The following TTLL11 variants were observed in gnomAD, a reference collection of about 807,000 sequenced individuals.
The protein encoded by TTLL11 is tubulin polyglutamylase TTLL11.
In TTLL11, 42 loss-of-function variants were observed where a neutral mutation model predicts 51.7. The ratio of observed to expected loss-of-function variants is 0.81; its 90% CI spans 0.64 to 1.05. The LOEUF (loss-of-function observed/expected upper bound fraction) is 1.05. Among genes scored for constraint, TTLL11 ranks in the 50% least tolerant of loss-of-function variants. The pLI is 0.00. For synonymous variants in TTLL11, 381 were observed against 383.5 expected (o/e 0.99, Z 0.08); for missense variants, 799 against 940.4 (o/e 0.85, Z 1.97).
intron 8 of TTLL11, among the ~76,000 whole-genome samples, chr9:121,855,757 CT>C (rs1326149998): frequency 6.6e-6 from 1 of 152,204 alleles, no homozygotes; most frequent in African/African-American, 2.4e-5. Context: ...TTGCATTTGT[CT>C]GCTCATCAAA....
rs547883724 is a variant in TTLL11, at chr9:121,890,175, T to C, written c.1482-19427A>G. ...TACCCCAATTCTGAGCCTCCAGCTTTGTTCCTGACTCAGAGGAGGGATTCC... is the reference window on the plus strand; with the variant it reads ...TACCCCAATTCTGAGCCTCCAGCTTCGTTCCTGACTCAGAGGAGGGATTCC... On this transcript the variant is annotated intron_variant, in intron 6 of 8. Transcript: ENST00000321582. The surrounding 1 kb of genome is among the most constrained non-coding windows in gnomAD (Gnocchi z 4.3). Among the ~76,000 whole-genome samples the C allele has an allele frequency of 2.0e-5, 3 of 152,328 alleles. No homozygotes were observed. Among genetic ancestry groups the C allele is most frequent in the Admixed American group, 1.3e-4 (2 of 15,302 alleles).
chr9:121,829,922 T>C (rs1169948998), intron 8 of TTLL11, among the ~76,000 whole-genome samples: 2 of 152,072 alleles, frequency 1.3e-5, no homozygotes, highest in Non-Finnish European at 2.9e-5. Flanking sequence ...CCCTTCATGG[T>C]GCTTCTTCTT....
chr9:122,065,699 T>C (rs933189721), intron 1 of TTLL11, among the ~76,000 whole-genome samples: 1 of 152,162 alleles, frequency 6.6e-6, no homozygotes, highest in African/African-American at 2.4e-5. Context: ...TGAGCTGCAT[T>C]TTCCCAAACT....
At chr9:121,866,267 A>G (rs1259189163) in intron 7 of TTLL11, among the ~76,000 whole-genome samples, 1 of 152,226 alleles carries the variant, frequency 6.6e-6, no homozygotes. Context: ...GTGCTGTTAA[A>G]TTTAGCCGGC....
At chr9:122,051,617 CTT>C (rs1233098496) in intron 1 of TTLL11, among the ~76,000 whole-genome samples, 1 of 152,092 alleles carries the variant, frequency 6.6e-6, no homozygotes, top group Non-Finnish European at 1.5e-5. Flanking sequence ...GTCTGTCTCT[CTT>C]CTCTCTCTCT....
At position 121,818,163 on chromosome 9, in the gene TTLL11, T is replaced by C. The variant is rs1836465640; in HGVS notation, c.*4424A>G. ...TGTTGGTGAGGACTGCCCAGCCTGG[T>C]GTCCTGTCTGTGAGATTGAATGGGA... On this transcript the variant is annotated 3_prime_UTR_variant, in exon 9 of 9. Transcript: ENST00000321582. 6.6e-6 allele frequency: 1 copy of C among 152,478 alleles called. No individual in the cohort carries two copies. Among genetic ancestry groups the C allele is most frequent in the South Asian group, 2.1e-4 (1 of 4,832 alleles). The allele number at this position is 152,478 out of a possible 1,614,324, so 9.4% of individuals were successfully genotyped here.
intron 3 of TTLL11, among the ~76,000 whole-genome samples, chr9:122,016,736 A>T (rs1198700323): frequency 6.6e-6 from 1 of 152,244 alleles, no homozygotes; most frequent in Admixed American, 6.5e-5. Flanking sequence ...AGAAACTGCA[A>T]AACATTATTG....
Position 122,000,603 on chromosome 9 carries a change from C to G in TTLL11, c.694-10833G>C, listed in dbSNP as rs142741822. ...GGTCATCCTCACTGCTACACTCCCA[C>G]CAGCGCCATGACAGTTTACAAATGG... On this transcript the variant is annotated intron_variant, in intron 3 of 8. Transcript: ENST00000321582. Among the ~76,000 whole-genome samples, 75 of 152,166 alleles carry G rather than the reference C, an allele frequency of 4.9e-4. No homozygotes were observed. In the Middle Eastern group the frequency reaches 0.01, roughly 21 times the overall value.
chr9:122,063,650 T>A (rs1845494738), intron 1 of TTLL11, among the ~76,000 whole-genome samples: 1 of 152,234 alleles, frequency 6.6e-6, no homozygotes, highest in African/African-American at 2.4e-5. Context: ...TTCTTATGGT[T>A]CCTGTTTTGT....
chr9:122,072,678 A>G (rs1443836035), intron 1 of TTLL11, among the ~76,000 whole-genome samples: 1 of 152,082 alleles, frequency 6.6e-6, no homozygotes, highest in Non-Finnish European at 1.5e-5. Flanking sequence ...CTAAACACCC[A>G]GTGTTCTCGC....
intron 1 of TTLL11, among the ~76,000 whole-genome samples, chr9:122,086,104 G>A (rs1846115670): frequency 6.6e-6 from 1 of 152,196 alleles, no homozygotes; most frequent in South Asian, 2.1e-4. Flanking sequence ...ACAATACACT[G>A]TATGTTTTAT....
intron 6 of TTLL11, among the ~76,000 whole-genome samples, chr9:121,946,442 C>T (rs954694322): frequency 2.0e-5 from 3 of 152,266 alleles, no homozygotes; most frequent in Admixed American, 6.5e-5. Context: ...AGCTCATGGC[C>T]GACTAGGCAA....
intron 1 of TTLL11, among the ~76,000 whole-genome samples, chr9:122,060,965 T>C (rs776796246): frequency 8.5e-5 from 13 of 152,226 alleles, no homozygotes; most frequent in Admixed American, 1.3e-4. Flanking sequence ...ATTTATTCTC[T>C]CACAGCTCTG....
intron 6 of TTLL11, 119 bp from the exon 7 acceptor site, chr9:121,870,867 G>C: frequency 8.4e-7 from 1 of 1,185,976 alleles, no homozygotes; most frequent in Admixed American, 2.9e-5. Flanking sequence ...CAGACAGCAA[G>C]ACTGACCACA....
At position 121,860,348 on chromosome 9, in the gene TTLL11, T is replaced by C; in HGVS notation, c.1829A>G (p.Gln610Arg). 1 of 1,551,266 alleles carries C rather than the reference T, an allele frequency of 6.4e-7. No homozygotes were observed. Among genetic ancestry groups the C allele is most frequent in the Admixed American group, 2.0e-5 (1 of 50,978 alleles). The change falls in exon 8 of 9, where the codon CAG becomes CGG. Residue 610 changes from glutamine to arginine, a missense_variant. Physicochemically the swap from Gln to Arg is conservative, Grantham distance 43 (BLOSUM62 1). This residue lies in a region of TTLL11 where 165 missense variants were observed against 166.1 expected (regional missense o/e 0.99). Coordinates refer to ENST00000321582, the MANE Select transcript of TTLL11 (RefSeq NM_001139442.2). ...TRRWNSMTLD[Q>R]RDSGMCLQAF... The stretch of plus-strand genomic sequence containing the variant: ...CATTTGTCAAATACCTGAGTCCCGC[T>C]GGTCCAGGGTCATGGAGTTCCACCT...
At chr9:121,841,556 G>T (rs967290098) in intron 8 of TTLL11, among the ~76,000 whole-genome samples, 9 of 152,174 alleles carry the variant, frequency 5.9e-5, no homozygotes, top group Non-Finnish European at 1.2e-4. Flanking sequence ...AGGTCTCGTG[G>T]AACAGACGAG....
chr9:122,031,368 G>C (rs1844534876), intron 3 of TTLL11, among the ~76,000 whole-genome samples: 1 of 152,188 alleles, frequency 6.6e-6, no homozygotes, highest in Non-Finnish European at 1.5e-5. Context: ...AAGCCGGCGA[G>C]GCCACGGCTC....
chr9:121,870,624 A>C lies in TTLL11; in HGVS notation c.1606T>G (p.Phe536Val). 1 of 1,551,740 alleles carries C rather than the reference A, an allele frequency of 6.4e-7. No homozygotes were observed. Among genetic ancestry groups the C allele is most frequent in the South Asian group, 1.2e-5 (1 of 84,050 alleles). Reference sequence around the variant, plus strand: ...TTGAACTGTTTTGCGTACTTGGGGAACACCTGCTTGAGGCAAATGGAAGGC... The same window carrying C: ...TTGAACTGTTTTGCGTACTTGGGGACCACCTGCTTGAGGCAAATGGAAGGC... ...HLPSICLKQV[F>V]PKYAKQFNYL... The change falls in exon 7 of 9, where the codon TTC becomes GTC. Residue 536 changes from phenylalanine (F) to valine (V), a missense_variant. Around this residue, in one of 3 missense-constraint regions of TTLL11, gnomAD observed 468 missense variants for 612.8 expected, o/e 0.76. Coordinates refer to ENST00000321582, the MANE Select transcript of TTLL11 (RefSeq NM_001139442.2).
intron 1 of TTLL11, among the ~76,000 whole-genome samples, chr9:122,063,413 A>G (rs1348645615): frequency 6.6e-6 from 1 of 152,226 alleles, no homozygotes; most frequent in Non-Finnish European, 1.5e-5. Context: ...AGTGAAAATT[A>G]TATTAATGCT....
Sources: gnomAD v4.1 joint callset for allele counts (sites outside exome capture counted in the v4.1 genomes callset) on GRCh38, gnomAD v4.1.1 for gene constraint, gnomAD v4.1.1 regional missense constraint, Gnocchi (gnomAD v3.1) non-coding constraint, MANE v1.5 for transcripts, NCBI Gene and HGNC (gene_info 2026-07-23, HGNC 2026-07-21) for gene names.